PRKN: variants seen among roughly 807,000 people sequenced by gnomAD.
PRKN encodes E3 ubiquitin-protein ligase parkin.
A neutral mutation model predicts 59.5 loss-of-function variants in PRKN; 56 were observed. The ratio of observed to expected loss-of-function variants is 0.94; its 90% CI spans 0.76 to 1.18. The LOEUF (loss-of-function observed/expected upper bound fraction) is 1.18, where lower values mean the gene tolerates loss of function less well. PRKN is among the 50% of genes most tolerant of loss of function. PRKN has a pLI of 0.00. For synonymous variants in PRKN, 250 were observed against 222.1 expected (o/e 1.13, Z -1.12); for missense variants, 657 against 596.4 (o/e 1.10, Z -1.06).
intron 5 of PRKN, among the ~76,000 whole-genome samples, chr6:161,987,570 A>G (rs1781482204): frequency 6.6e-6 from 1 of 152,226 alleles, no homozygotes; most frequent in Non-Finnish European, 1.5e-5. Flanking sequence ...TACCTAATAC[A>G]ATGTAAATGC....
rs548265160 is a variant in PRKN, at chr6:161,467,684, C to T, written c.1084-80807G>A. On this transcript the variant is annotated intron_variant, in intron 9 of 11. Coordinates refer to ENST00000366898, the MANE Select transcript of PRKN (RefSeq NM_004562.3). The surrounding 1 kb of genome is among the most constrained non-coding windows in gnomAD (Gnocchi z 4.3). ...GCAGGAGCGACAGAGGCTGCAAATG[C>T]CTGCCCAATATTCATGTTCCTCTTC... is the stretch of plus-strand genomic sequence containing the variant. 7.2e-5 allele frequency among the ~76,000 whole-genome samples: 11 copies of T among 152,286 alleles called. No homozygotes were observed. The highest frequency in any genetic ancestry group is 2.4e-4 in the African/African-American group (10 of 41,556).
chr6:161,600,164 C>G (rs1782057028), intron 7 of PRKN, among the ~76,000 whole-genome samples: 1 of 152,226 alleles, frequency 6.6e-6, no homozygotes, highest in Admixed American at 6.5e-5. Context: ...TTATTCCTTA[C>G]TTGGTATTAT....
intron 4 of PRKN, among the ~76,000 whole-genome samples, chr6:162,089,366 A>G (rs1779379937): frequency 1.3e-5 from 2 of 152,018 alleles, no homozygotes; most frequent in South Asian, 2.1e-4. Context: ...ACACCTACAA[A>G]TATTGCTAAA....
intron 7 of PRKN, among the ~76,000 whole-genome samples, chr6:161,655,387 C>T (rs112590104): frequency 0.013 from 2,020 of 151,524 alleles, 34 homozygotes; most frequent in African/African-American, 0.046. Flanking sequence ...CAGCAAGGTA[C>T]CCAGTTACAG....
At chr6:161,418,667 A>T (rs1401362278) in intron 9 of PRKN, among the ~76,000 whole-genome samples, 1 of 152,222 alleles carries the variant, frequency 6.6e-6, no homozygotes, top group Non-Finnish European at 1.5e-5. Flanking sequence ...CTGGAAATAA[A>T]ATAACCAGTA....
chr6:162,567,683 A>G (rs1416319698), intron 1 of PRKN, among the ~76,000 whole-genome samples: 1 of 152,228 alleles, frequency 6.6e-6, no homozygotes, highest in Non-Finnish European at 1.5e-5. Context: ...TAAAATGTCC[A>G]TACTACACAA....
At chr6:162,627,222 T>C (rs1364743246) in intron 1 of PRKN, among the ~76,000 whole-genome samples, 1 of 152,196 alleles carries the variant, frequency 6.6e-6, no homozygotes. Flanking sequence ...TCCTTCCTTA[T>C]GAAGAATCTA....
At chr6:162,265,749 C>A (rs1268987005) in intron 2 of PRKN, among the ~76,000 whole-genome samples, 1 of 152,180 alleles carries the variant, frequency 6.6e-6, no homozygotes, top group East Asian at 1.9e-4. Context: ...GAGTCCAACC[C>A]ACTGAGGTGA....
At chr6:161,777,704 T>TATAA (rs562832465) in intron 7 of PRKN, among the ~76,000 whole-genome samples, 5,515 of 144,434 alleles carry the variant, frequency 0.038, 355 homozygotes, top group African/African-American at 0.13. Flanking sequence ...ACACAATATA[T>TATAA]AAGAGATATT....
chr6:162,446,114 G>A (rs1790306746), intron 1 of PRKN, among the ~76,000 whole-genome samples: 2 of 152,114 alleles, frequency 1.3e-5, no homozygotes, highest in Non-Finnish European at 1.5e-5. Context: ...GAAAATAGAG[G>A]GGAAGAAATA....
chr6:162,018,720 CT>C (rs1449839203), intron 5 of PRKN, among the ~76,000 whole-genome samples: 1 of 152,106 alleles, frequency 6.6e-6, no homozygotes, highest in African/African-American at 2.4e-5. Context: ...ACTTAGGATG[CT>C]TTTTTGTCCT....
intron 3 of PRKN, among the ~76,000 whole-genome samples, chr6:162,226,667 G>A (rs1778193414): frequency 6.6e-6 from 1 of 152,014 alleles, no homozygotes; most frequent in Non-Finnish European, 1.5e-5. Context: ...CCGAGTAGCT[G>A]GGACTACAGG....
Position 161,518,210 on chromosome 6 carries a change from A to G in PRKN, c.1083+30644T>C, listed in dbSNP as rs1035931008. ...ACCATGGGGCCGGGGAGGTGGCAAC[A>G]TAGGTGCATGAGAGGGGGACTGCCC... On this transcript the variant is annotated intron_variant, in intron 9 of 11. Transcript: ENST00000366898. The surrounding 1 kb of genome is among the most constrained non-coding windows in gnomAD (Gnocchi z 5.0). Among the ~76,000 whole-genome samples, 1 of 152,204 alleles carries G rather than the reference A, an allele frequency of 6.6e-6. No individual in the cohort carries two copies. Among genetic ancestry groups the G allele is most frequent in the African/African-American group, 2.4e-5 (1 of 41,450 alleles).
At position 162,530,958 on chromosome 6, in the gene PRKN, G is replaced by A. The variant is rs192946729; in HGVS notation, c.8-87485C>T. Among the ~76,000 whole-genome samples the A allele has an allele frequency of 7.1e-3, 1,071 of 150,190 alleles. 8 individuals are homozygous for A. Among genetic ancestry groups the A allele is most frequent in the South Asian group, 0.015 (73 of 4,740 alleles). On this transcript the variant is annotated intron_variant, in intron 1 of 11. Transcript: ENST00000366898. ...TGTGGTCCCAGTTACTTGGTAGCCTGAGGCAGGAGAATTGCTTGAACCCGG... is the reference window on the plus strand; with the variant it reads ...TGTGGTCCCAGTTACTTGGTAGCCTAAGGCAGGAGAATTGCTTGAACCCGG...
intron 2 of PRKN, among the ~76,000 whole-genome samples, chr6:162,403,553 G>A (rs963665074): frequency 6.6e-6 from 1 of 152,088 alleles, no homozygotes; most frequent in Non-Finnish European, 1.5e-5. Context: ...GGCTCCAAGA[G>A]GGCACCGGTG....
At chr6:162,575,534 G>A (rs1268250652) in intron 1 of PRKN, among the ~76,000 whole-genome samples, 1 of 147,584 alleles carries the variant, frequency 6.8e-6, no homozygotes, top group African/African-American at 2.6e-5. Flanking sequence ...CTTACTTGTT[G>A]ACCCCCTAGC....
intron 1 of PRKN, among the ~76,000 whole-genome samples, chr6:162,443,902 A>G (rs921296554): frequency 6.4e-5 from 9 of 141,458 alleles, no homozygotes; most frequent in Non-Finnish European, 1.2e-4. Flanking sequence ...AGGTATAGCA[A>G]TGGAAAAAAA....
chr6:162,581,562 A>G (rs1378992035), intron 1 of PRKN, among the ~76,000 whole-genome samples: 1 of 152,212 alleles, frequency 6.6e-6, no homozygotes, highest in African/African-American at 2.4e-5. Context: ...GGAGTTCGGG[A>G]CCAGCCTGGC....
At chr6:162,709,559 G>A (rs956764426) in intron 1 of PRKN, among the ~76,000 whole-genome samples, 9 of 152,044 alleles carry the variant, frequency 5.9e-5, no homozygotes, top group Admixed American at 1.3e-4. Context: ...GCATCCATCC[G>A]GACCATAGGA....
Sources: allele counts gnomAD v4.1 joint callset (sites outside exome capture counted in the v4.1 genomes callset), GRCh38; gene constraint gnomAD v4.1.1; non-coding constraint Gnocchi (gnomAD v3.1); transcripts MANE v1.5; gene names NCBI Gene and HGNC (gene_info 2026-07-23, HGNC 2026-07-21).